Variants in CAPN12 observed in about 807,000 individuals in gnomAD.
CAPN12 encodes calpain-12.
Under a neutral mutation model 95.0 loss-of-function variants are expected in CAPN12, and 107 were observed. The observed-to-expected ratio is 1.13, with a 90% CI of 0.96 to 1.32. The LOEUF (loss-of-function observed/expected upper bound fraction) is 1.32, where lower values mean the gene tolerates loss of function less well. Ranked by LOEUF, CAPN12 falls within the 40% of genes most tolerant of loss-of-function variation. CAPN12 has a pLI of 0.00. For synonymous variants in CAPN12, 505 were observed against 415.5 expected, an observed-to-expected ratio of 1.22 and a Z score of -2.62; for missense variants, 1,136 against 997.8, an observed-to-expected ratio of 1.14 and a Z score of -1.87.
In CAPN12 at chr19:38,743,407, G is replaced by A. The variant is rs1317164538; in HGVS notation, c.238-305C>T. On this transcript the variant is annotated intron_variant, in intron 1 of 20. Transcript: ENST00000328867. ...CCTCAGACCCAGGAGTCCAGGTCCC[G>A]AGCCCCTCCTCCCTCAGACCCAGGA... 3.0e-3 allele frequency among the ~76,000 whole-genome samples: 135 copies of A among 45,634 alleles called. 4 individuals are homozygous for A. The highest frequency in any genetic ancestry group is 0.01 in the African/African-American group (126 of 12,594). 29.9% of individuals were successfully genotyped at this position (45,634 alleles called of 152,430 possible).
At chr19:38,732,085 G>A (rs1490140324) in intron 18 of CAPN12, among the ~76,000 whole-genome samples, 1 of 152,268 alleles carries the variant, frequency 6.6e-6, no homozygotes, top group Non-Finnish European at 1.5e-5. Flanking sequence ...CACTGCAGGA[G>A]TTCCCGTTTG....
At position 38,738,595 on chromosome 19, in the gene CAPN12, AT is replaced by A. The variant is rs1705809208; in HGVS notation, c.782del (p.Tyr261PhefsTer54). The stretch of plus-strand genomic sequence containing the variant: ...TTACCTTGTGTGTGCCCGTGATGGA[AT>A]ACGCGTGTCCCTTTACCAGGCCCTC... ...TEEGLVKGHA[Y>X]SITGTHKVFL... On this transcript the variant is annotated frameshift_variant, in exon 6 of 21. Coordinates refer to ENST00000328867, the MANE Select transcript of CAPN12 (RefSeq NM_144691.4). LOFTEE classifies it high-confidence loss of function. 1 of 1,613,872 alleles carries A rather than the reference AT, an allele frequency of 6.2e-7. No individual in the cohort carries two copies. Among genetic ancestry groups the A allele is most frequent in the Admixed American group, 1.7e-5 (1 of 59,998 alleles).
chr19:38,732,145 C>T (rs1969666312), intron 18 of CAPN12, among the ~76,000 whole-genome samples: 1 of 152,252 alleles, frequency 6.6e-6, no homozygotes, highest in Non-Finnish European at 1.5e-5. Context: ...GGAATAACTC[C>T]TGGCATGTAA....
At chr19:38,742,019 C>A (rs754995659) in intron 3 of CAPN12, 109 bp from the exon 4 acceptor site, 1 of 1,471,366 alleles carries the variant, frequency 6.8e-7, no homozygotes, top group African/African-American at 1.4e-5. Flanking sequence ...CCCAAGTCAA[C>A]GTTAACTATG....
intron 5 of CAPN12, 55 bp downstream of exon 5, chr19:38,739,996 C>A: frequency 6.7e-7 from 1 of 1,485,480 alleles, no homozygotes; most frequent in Non-Finnish European, 8.9e-7. Context: ...CCACCACACC[C>A]CTGACTGTGC....
intron 5 of CAPN12, chr19:38,739,032 T>C: frequency 3.3e-6 from 1 of 300,422 alleles, no homozygotes; most frequent in Non-Finnish European, 6.4e-6. Flanking sequence ...CTCTGGAGGC[T>C]GAGGCAGGAG....
chr19:38,742,042 C>T, intron 3 of CAPN12, 132 bp from the exon 4 acceptor site: 1 of 1,349,698 alleles, frequency 7.4e-7, no homozygotes, highest in Admixed American at 2.1e-5. Context: ...ATCCATATGG[C>T]TGGCCGGGTG....
Position 38,734,827 on chromosome 19 carries a change from A to G in CAPN12, c.1730T>C (p.Ile577Thr), listed in dbSNP as rs369606479. Residue 577 changes from isoleucine (I) to threonine (T), a missense_variant, in exon 15 of 21, where the codon ATT becomes ACT. By Grantham distance (89) the Ile-to-Thr change is moderately conservative (BLOSUM62 -1). Transcript: ENST00000328867. Reference sequence around the variant, plus strand: ...AGCCAACTCACCAGGCTCCAGGGCAATGCTTAGTAAGGCCTGGAGCTGAGA... The same window carrying G: ...AGCCAACTCACCAGGCTCCAGGGCAGTGCTTAGTAAGGCCTGGAGCTGAGA... ...NASQLQALLSIALEPARAHTS... is the reference protein window; with the variant it reads ...NASQLQALLSTALEPARAHTS... 1 of 1,612,556 alleles carries G rather than the reference A, an allele frequency of 6.2e-7. No homozygotes were observed. The highest frequency in any genetic ancestry group is 8.5e-7 in the Non-Finnish European group (1 of 1,179,832).
intron 11 of CAPN12, 29 bp downstream of exon 11, chr19:38,736,523 A>AG: frequency 6.4e-7 from 1 of 1,565,070 alleles, no homozygotes; most frequent in Non-Finnish European, 8.6e-7. Context: ...ACCAAGCCCC[A>AG]GGGCCGGTTG....
At chr19:38,742,781 G>A (rs552152151) in intron 2 of CAPN12, among the ~76,000 whole-genome samples, 4 of 142,266 alleles carry the variant, frequency 2.8e-5, no homozygotes, top group Admixed American at 1.5e-4. Context: ...AGTCCAGGAG[G>A]TTAAGGCTGC....
Position 38,744,040 on chromosome 19 carries a change from C to T in CAPN12, c.126G>A (p.Ser42=), listed in dbSNP as rs199675482. The change falls in exon 1 of 21, where the codon TCG becomes TCA. Residue 42 remains serine (S), a synonymous_variant. Transcript: ENST00000328867. Reference sequence around the variant, plus strand: ...AGTAAGGGTCGCGGAACAGGATCCCCGAATCCAGGCAGGCTGCCCGAATTG... The same window carrying T: ...AGTAAGGGTCGCGGAACAGGATCCCTGAATCCAGGCAGGCTGCCCGAATTG... ...YEAIRAACLD[S]GILFRDPYFP... 7.4e-6 allele frequency: 12 copies of T among 1,614,244 alleles called. 1 individual carries two copies. Among genetic ancestry groups the T allele is most frequent in the South Asian group, 3.3e-5 (3 of 91,086 alleles).
chr19:38,743,869 T>A, intron 1 of CAPN12, 60 bp downstream of exon 1: 1 of 1,518,596 alleles, frequency 6.6e-7, no homozygotes, highest in Non-Finnish European at 9.1e-7. Flanking sequence ...GACCCAGGAG[T>A]CCATGCCTCC....
intron 11 of CAPN12, 107 bp from the exon 12 acceptor site, chr19:38,736,425 C>T: frequency 1.3e-6 from 2 of 1,522,140 alleles, no homozygotes; most frequent in Non-Finnish European, 1.8e-6. Flanking sequence ...CCACGCCTCC[C>T]CTGCCCCCGG....
chr19:38,734,399 A>G lies in CAPN12; in HGVS notation c.1745-10T>C. 1 of 1,574,602 alleles carries G rather than the reference A, an allele frequency of 6.4e-7. No individual in the cohort carries two copies. The highest frequency in any genetic ancestry group is 8.6e-7 in the Non-Finnish European group (1 of 1,161,204). On this transcript the variant is annotated splice_polypyrimidine_tract_variant and intron_variant, in intron 15 of 20. Transcript: ENST00000328867. ...GAGGTATGGGCCCTGGCTACAGGAA[A>G]AACAAAGTCAAACCACAGCACTTCC...
At position 38,734,151 on chromosome 19, in the gene CAPN12, C is replaced by CA. The variant is rs751324366; in HGVS notation, c.1868dup (p.Glu624GlyfsTer7). ...CAGTCTCCCACCTCACCTGCCACTC[C>CA]AGGAGGTAGCCCCAGAGCTGCTGGA... On this transcript the variant is annotated frameshift_variant, in exon 17 of 21. Transcript: ENST00000328867. LOFTEE classifies it high-confidence loss of function. 22 of 1,612,912 alleles carry CA rather than the reference C, an allele frequency of 1.4e-5. No homozygotes were observed. The highest frequency in any genetic ancestry group is 1.9e-5 in the Non-Finnish European group (22 of 1,179,856).
intron 13 of CAPN12, 26 bp downstream of exon 13, chr19:38,735,476 G>A (rs371281680): frequency 2.4e-5 from 39 of 1,610,698 alleles, no homozygotes; most frequent in Non-Finnish European, 3.0e-5. Flanking sequence ...CCCGCCCCAT[G>A]CCGCCCCTCC....
chr19:38,730,921 G>T, intron 20 of CAPN12, 43 bp from the exon 21 acceptor site: 1 of 1,550,478 alleles, frequency 6.4e-7, no homozygotes, highest in East Asian at 2.4e-5. Flanking sequence ...CAGGGAGCTC[G>T]CAGGACAGAG....
At position 38,734,207 on chromosome 19, in the gene CAPN12, G is replaced by C; in HGVS notation, c.1816-3C>G. ...TGTAAGGCCAGGCTTTGCCCATGCT[G>C]TGTTGGGGGTCGGGGGCATCTGGTT... On this transcript the variant is annotated splice_region_variant and splice_polypyrimidine_tract_variant and intron_variant, in intron 16 of 20. Coordinates refer to ENST00000328867, the MANE Select transcript of CAPN12 (RefSeq NM_144691.4). 5 of 1,612,918 alleles carry C rather than the reference G, an allele frequency of 3.1e-6. No individual in the cohort carries two copies. The highest frequency in any genetic ancestry group is 4.2e-6 in the Non-Finnish European group (5 of 1,179,866).
At chr19:38,743,692 A>T (rs190228058) in intron 1 of CAPN12, among the ~76,000 whole-genome samples, 59 of 139,768 alleles carry the variant, frequency 4.2e-4, no homozygotes, top group Non-Finnish European at 7.9e-4. Context: ...CCAGGAGTCC[A>T]GGTCCCCAGC....
Sources: gnomAD v4.1 joint callset for allele counts (sites outside exome capture counted in the v4.1 genomes callset) on GRCh38, gnomAD v4.1.1 for gene constraint, MANE v1.5 for transcripts, NCBI Gene and HGNC (gene_info 2026-07-23, HGNC 2026-07-21) for gene names.